STK39: variants seen among roughly 807,000 people sequenced by gnomAD.
STK39 encodes the protein STE20/SPS1-related proline-alanine-rich protein kinase.
In STK39, 20 loss-of-function variants were observed where a neutral mutation model predicts 77.8. The observed-to-expected ratio is 0.26, with a 90% CI of 0.18 to 0.37. The LOEUF (loss-of-function observed/expected upper bound fraction) is 0.37. Among genes scored for constraint, STK39 ranks in the 10% least tolerant of loss-of-function variants. The pLI is 1.00. For missense variants in STK39, 479 were observed against 656.5 expected (o/e 0.73, Z 2.95); for synonymous variants, 246 against 234.1 (o/e 1.05, Z -0.47).
At chr2:168,092,685 TC>T (rs553906135) in intron 10 of STK39, among the ~76,000 whole-genome samples, 3 of 152,194 alleles carry the variant, frequency 2.0e-5, no homozygotes, top group Non-Finnish European at 4.4e-5. Context: ...GACCTAAGCT[TC>T]TTTATCTAAG....
intron 10 of STK39, among the ~76,000 whole-genome samples, chr2:168,080,145 A>C (rs1012784074): frequency 9.9e-5 from 15 of 152,188 alleles, no homozygotes; most frequent in African/African-American, 3.6e-4. Flanking sequence ...CAGCAAAGAG[A>C]CTGGAGGCAT....
At chr2:168,047,433 A>T (rs1395642040) in intron 14 of STK39, among the ~76,000 whole-genome samples, 1 of 152,228 alleles carries the variant, frequency 6.6e-6, no homozygotes, top group Non-Finnish European at 1.5e-5. Flanking sequence ...ACCAAACCAT[A>T]AAAAGAGAAA....
At chr2:168,222,246 T>A (rs991081623) in intron 1 of STK39, among the ~76,000 whole-genome samples, 2 of 152,210 alleles carry the variant, frequency 1.3e-5, no homozygotes, top group Non-Finnish European at 2.9e-5. Context: ...TCCTCTGTGC[T>A]CTTTTCAGCT....
chr2:168,126,122 G>A (rs931149209), intron 10 of STK39, among the ~76,000 whole-genome samples: 2 of 152,152 alleles, frequency 1.3e-5, no homozygotes, highest in Non-Finnish European at 2.9e-5. Flanking sequence ...ATGCCCAAGA[G>A]CCCTGCCCAC....
intron 1 of STK39, among the ~76,000 whole-genome samples, chr2:168,234,664 C>A (rs911178431): frequency 1.3e-5 from 2 of 152,100 alleles, no homozygotes; most frequent in African/African-American, 4.8e-5. Flanking sequence ...CTGTAATAGA[C>A]CAGGCAAAAG....
At chr2:168,240,263 CTG>C (rs1690726312) in intron 1 of STK39, among the ~76,000 whole-genome samples, 1 of 152,180 alleles carries the variant, frequency 6.6e-6, no homozygotes, top group East Asian at 1.9e-4. Context: ...ACCTTAAACA[CTG>C]TGCTTCAAAT....
rs149291175 is a variant in STK39, at chr2:168,182,896, C to CCACT, written c.209-810_209-807dup. Reference sequence around the variant, plus strand: ...CCATTCTCATCACATAAATCCTCTACCACTGCAAGATAGCCAACAACAGAA... The same window carrying CCACT: ...CCATTCTCATCACATAAATCCTCTACCACTCACTGCAAGATAGCCAACAACAGAA... On this transcript the variant is annotated intron_variant, in intron 1 of 17. Transcript: ENST00000355999. Among the ~76,000 whole-genome samples, 334 of 152,278 alleles carry CCACT rather than the reference C, an allele frequency of 2.2e-3. 2 individuals carry two copies. Among genetic ancestry groups the CCACT allele is most frequent in the African/African-American group, 7.5e-3 (313 of 41,562 alleles).
chr2:168,120,635 T>C (rs971807778), intron 10 of STK39, among the ~76,000 whole-genome samples: 2 of 152,214 alleles, frequency 1.3e-5, no homozygotes, highest in Non-Finnish European at 2.9e-5. Context: ...ATCTGGACTA[T>C]AATAACTATA....
intron 1 of STK39, among the ~76,000 whole-genome samples, chr2:168,194,850 A>C (rs990293659): frequency 8.5e-5 from 13 of 152,238 alleles, no homozygotes; most frequent in Admixed American, 4.6e-4. Flanking sequence ...GTATGATATT[A>C]TAAGAAAGAA....
intron 10 of STK39, among the ~76,000 whole-genome samples, chr2:168,108,927 T>C (rs2105465982): frequency 6.6e-6 from 1 of 152,336 alleles, no homozygotes; most frequent in South Asian, 2.1e-4. Flanking sequence ...TACTAGGCAC[T>C]AACTTAATCC....
intron 3 of STK39, among the ~76,000 whole-genome samples, chr2:168,166,493 G>C (rs1688696097): frequency 6.6e-6 from 1 of 152,158 alleles, no homozygotes; most frequent in African/African-American, 2.4e-5. Flanking sequence ...TGCCATTTCT[G>C]ATCAACACTG....
intron 14 of STK39, among the ~76,000 whole-genome samples, chr2:168,023,543 A>G (rs1684624456): frequency 6.6e-6 from 1 of 152,148 alleles, no homozygotes; most frequent in African/African-American, 2.4e-5. Flanking sequence ...ACAATCTGAC[A>G]GAGTTATTGC....
intron 1 of STK39, among the ~76,000 whole-genome samples, chr2:168,241,195 GA>G: frequency 6.6e-6 from 1 of 152,280 alleles, no homozygotes; most frequent in Middle Eastern, 3.4e-3. Flanking sequence ...TAAACTGAGG[GA>G]AAAGCAAAGA....
At chr2:168,029,138 A>G (rs1684772919) in intron 14 of STK39, among the ~76,000 whole-genome samples, 1 of 152,242 alleles carries the variant, frequency 6.6e-6, no homozygotes, top group Non-Finnish European at 1.5e-5. Context: ...TATATAACTG[A>G]ACATTTTGTT....
At chr2:168,077,427 CTGTT>C (rs1316960042) in intron 10 of STK39, among the ~76,000 whole-genome samples, 7 of 152,070 alleles carry the variant, frequency 4.6e-5, no homozygotes, top group East Asian at 3.9e-4. Context: ...GGCTCTCTCT[CTGTT>C]TGTTTTATTT....
chr2:168,184,644 T>C (rs1422967526), intron 1 of STK39, among the ~76,000 whole-genome samples: 2 of 134,020 alleles, frequency 1.5e-5, no homozygotes, highest in African/African-American at 5.8e-5. Flanking sequence ...ATTCCTTATC[T>C]ACCATTCTGT....
chr2:168,099,221 G>A (rs1212802674), intron 10 of STK39, among the ~76,000 whole-genome samples: 1 of 152,216 alleles, frequency 6.6e-6, no homozygotes, highest in African/African-American at 2.4e-5. Context: ...AATGGCTGTT[G>A]CTGAGCTAAG....
intron 14 of STK39, among the ~76,000 whole-genome samples, chr2:168,050,026 C>T (rs1041061136): frequency 1.3e-5 from 2 of 152,212 alleles, no homozygotes; most frequent in Middle Eastern, 3.2e-3. Context: ...TCCCTCTTAT[C>T]AGCTGAAAGG....
intron 1 of STK39, among the ~76,000 whole-genome samples, chr2:168,212,146 T>C (rs1347041994): frequency 6.6e-6 from 1 of 152,208 alleles, no homozygotes; most frequent in Non-Finnish European, 1.5e-5. Context: ...GAGTCGTAAA[T>C]TGAAGACCTT....
Sources: allele counts gnomAD v4.1 joint callset (sites outside exome capture counted in the v4.1 genomes callset), GRCh38; gene constraint gnomAD v4.1.1; transcripts MANE v1.5; gene names NCBI Gene and HGNC (gene_info 2026-07-23, HGNC 2026-07-21).